FANCA: variants seen among roughly 807,000 people sequenced by gnomAD.
The protein encoded by FANCA is Fanconi anemia group A protein.
A neutral mutation model predicts 194.3 loss-of-function variants in FANCA; 236 were observed. The observed-to-expected ratio is 1.21, with a 90% CI of 1.09 to 1.35. The LOEUF (loss-of-function observed/expected upper bound fraction) is 1.35, where lower values mean the gene tolerates loss of function less well. Ranked by LOEUF, FANCA falls within the 40% of genes most tolerant of loss-of-function variation. The pLI, the probability that FANCA is intolerant of heterozygous loss-of-function variation, is 0.00. For missense variants in FANCA, 2,628 were observed against 1,813.9 expected (o/e 1.45, Z -8.15); for synonymous variants, 1,014 against 715.8 (o/e 1.42, Z -6.65).
At chr16:89,800,606 A>T (rs2040411877) in intron 8 of FANCA, among the ~76,000 whole-genome samples, 1 of 152,268 alleles carries the variant, frequency 6.6e-6, no homozygotes, top group Non-Finnish European at 1.5e-5. Context: ...AGCAATCCTG[A>T]GGAAAAAGAA....
chr16:89,764,744 T>G (rs35943345), intron 28 of FANCA, 146 bp downstream of exon 28: 1 of 971,156 alleles, frequency 1.0e-6, no homozygotes, highest in East Asian at 2.4e-5. Context: ...GAGGAGACAG[T>G]CGGCACACAC....
At position 89,738,578 on chromosome 16, in the gene FANCA, C is replaced by T. The variant is rs776090306; in HGVS notation, c.*23G>A. The T allele has an allele frequency of 4.3e-6, 7 of 1,613,014 alleles. No homozygotes were observed. The Admixed American group carries it at 1.2e-4, about 27-fold the overall frequency. On this transcript the variant is annotated 3_prime_UTR_variant, in exon 43 of 43. Coordinates refer to ENST00000389301, the MANE Select transcript of FANCA (RefSeq NM_000135.4). Reference sequence around the variant, plus strand: ...ATAAATTATTTACACGGGAGCTGGGCTGGTGTGCAGTGGCAGGTCCCGTCA... The same window carrying T: ...ATAAATTATTTACACGGGAGCTGGGTTGGTGTGCAGTGGCAGGTCCCGTCA...
intron 31 of FANCA, 71 bp downstream of exon 31, chr16:89,752,067 G>T: frequency 7.2e-7 from 1 of 1,396,554 alleles, no homozygotes; most frequent in Non-Finnish European, 1.0e-6. Context: ...ACCGCGCCTG[G>T]CAATAAATAT....
intron 20 of FANCA, among the ~76,000 whole-genome samples, chr16:89,776,492 T>C (rs1273335683): frequency 6.6e-6 from 1 of 151,856 alleles, no homozygotes; most frequent in Non-Finnish European, 1.5e-5. Context: ...TTAATTTTAA[T>C]GATTAATACT....
intron 38 of FANCA, chr16:89,740,310 G>C (rs982726439): frequency 3.4e-6 from 2 of 589,866 alleles, no homozygotes; most frequent in African/African-American, 1.9e-5. Context: ...CCCACACCAA[G>C]GCTGCTGCAC....
At chr16:89,770,128 GGGCCCCCAAGGGT>G (rs1157084824) in intron 25 of FANCA, 25 bp downstream of exon 25, 5 of 1,570,920 alleles carry the variant, frequency 3.2e-6, no homozygotes, top group Middle Eastern at 3.3e-4. Flanking sequence ...CCCTCAGAGT[GGGCCCCCAAGGGT>G]GGCCCCCATG....
rs141520472 is a variant in FANCA at position 89,758,857 on chromosome 16, C to T, written c.2853-152G>A. 7.7e-6 allele frequency: 9 copies of T among 1,172,442 alleles called. No individual in the cohort carries two copies. The East Asian group carries it at 2.0e-4, about 26-fold the overall frequency. The allele number at this position is 1,172,442 out of a possible 1,614,324, so 72.6% of individuals were successfully genotyped here. The stretch of plus-strand genomic sequence containing the variant: ...TCGGGACCTTGGAGTAGGGATGAGA[C>T]CTCACTGTCTGCAGGGTGGGATGCC... On this transcript the variant is annotated intron_variant, in intron 29 of 42. Coordinates refer to ENST00000389301, the MANE Select transcript of FANCA (RefSeq NM_000135.4).
intron 5 of FANCA, among the ~76,000 whole-genome samples, 153 bp from the exon 6 acceptor site, chr16:89,808,520 AAC>A (rs2040752989): frequency 6.6e-6 from 1 of 152,236 alleles, no homozygotes; most frequent in East Asian, 1.9e-4. Context: ...TAGAGCCTGA[AAC>A]ACATCTTTTT....
chr16:89,770,101 G>A (rs1800343), intron 25 of FANCA, 65 bp downstream of exon 25: 1 of 1,574,762 alleles, frequency 6.4e-7, no homozygotes, highest in Non-Finnish European at 8.6e-7. Flanking sequence ...AAGACGAATT[G>A]AGAAGTAGCA....
chr16:89,739,039 CA>C (rs1567592408), intron 41 of FANCA, 65 bp from the exon 42 acceptor site: 1 of 1,614,034 alleles, frequency 6.2e-7, no homozygotes, highest in Non-Finnish European at 8.5e-7. Flanking sequence ...GTGTGTCCCC[CA>C]TAGTCTGCAT....
chr16:89,783,998 T>G (rs1191981560), intron 15 of FANCA, among the ~76,000 whole-genome samples: 1 of 152,000 alleles, frequency 6.6e-6, no homozygotes, highest in African/African-American at 2.4e-5. Context: ...TGACCTCAAG[T>G]GATCTGCCCT....
At chr16:89,777,534 G>A (rs112478054) in intron 20 of FANCA, among the ~76,000 whole-genome samples, 2 of 150,398 alleles carry the variant, frequency 1.3e-5, no homozygotes, top group African/African-American at 2.4e-5. Flanking sequence ...GACCAGTCTG[G>A]CCAACATAGT....
At chr16:89,798,945 G>A in intron 10 of FANCA, 3 of 1,609,982 alleles carry the variant, frequency 1.9e-6, no homozygotes, top group Non-Finnish European at 2.5e-6. Context: ...ACTGCAGTGG[G>A]CGCACCTTCC....
intron 17 of FANCA, among the ~76,000 whole-genome samples, chr16:89,782,104 A>G (rs1175654841): frequency 1.3e-5 from 2 of 149,116 alleles, no homozygotes; most frequent in Non-Finnish European, 3.0e-5. Context: ...GGCCAGGAGC[A>G]GTGGCTCACA....
Position 89,748,719 on chromosome 16 carries a change from C to T in FANCA, c.3288G>A (p.Gln1096=). The T allele has an allele frequency of 6.2e-7, 1 of 1,614,128 alleles. No individual in the cohort carries two copies. Among genetic ancestry groups the T allele is most frequent in the South Asian group, 1.1e-5 (1 of 91,070 alleles). ...ATCTGGCAGTGATGGGCTGTTCTGC[C>T]TGGAAGCTGCTGCCGCAGAGGACAG... ...PSSVLCGSSF[Q]AEQPITARCE... is the part of the protein sequence containing the mutation. The change falls in exon 33 of 43, where the codon CAG becomes CAA. Residue 1096 remains glutamine, a synonymous_variant. Coordinates refer to ENST00000389301, the MANE Select transcript of FANCA (RefSeq NM_000135.4).
intron 20 of FANCA, 57 bp from the exon 21 acceptor site, chr16:89,775,872 T>C (rs2039483742): frequency 2.8e-6 from 3 of 1,081,648 alleles, no homozygotes; most frequent in South Asian, 1.3e-5. Flanking sequence ...TAATTCAAGA[T>C]TACAATCCCC....
chr16:89,805,428 C>T, intron 6 of FANCA, 36 bp from the exon 7 acceptor site: 1 of 1,530,270 alleles, frequency 6.5e-7, no homozygotes, highest in Non-Finnish European at 9.0e-7. Context: ...TAAGGCTCAA[C>T]TAAATCCCAT....
chr16:89,793,189 T>G (rs2040135499), intron 11 of FANCA, among the ~76,000 whole-genome samples: 1 of 152,104 alleles, frequency 6.6e-6, no homozygotes, highest in South Asian at 2.1e-4. Context: ...TTTCCCGGTC[T>G]AAGTAGTGAG....
intron 14 of FANCA, among the ~76,000 whole-genome samples, chr16:89,787,392 A>G (rs868565975): frequency 6.8e-4 from 103 of 152,224 alleles, no homozygotes; most frequent in African/African-American, 2.3e-3. Flanking sequence ...GTGTGGTGGC[A>G]GGCGCCTGTA....
Sources: gnomAD v4.1 joint callset for allele counts (sites outside exome capture counted in the v4.1 genomes callset) on GRCh38, gnomAD v4.1.1 for gene constraint, MANE v1.5 for transcripts, NCBI Gene and HGNC (gene_info 2026-07-23, HGNC 2026-07-21) for gene names.